TSC22D1: variants seen among roughly 807,000 people sequenced by gnomAD.
TSC22D1 encodes TSC22 domain family member 1, also known as TSC22 domain family protein 1.
In TSC22D1, 9 loss-of-function variants were observed where a neutral mutation model predicts 74.2. The ratio of observed to expected loss-of-function variants is 0.12; its 90% confidence interval spans 0.07 to 0.21. The LOEUF (loss-of-function observed/expected upper bound fraction) is 0.21, where lower values mean the gene tolerates loss of function less well. Among genes scored for constraint, TSC22D1 ranks in the 10% least tolerant of loss-of-function variants. TSC22D1 has a pLI of 1.00. For missense variants in TSC22D1, 1,427 were observed against 1,304.7 expected, an observed-to-expected ratio of 1.09 and a Z score of -1.44; for synonymous variants, 586 against 492.5, an observed-to-expected ratio of 1.19 and a Z score of -2.51.
chr13:44,529,139 TAC>T (rs578118246), intron 1 of TSC22D1, among the ~76,000 whole-genome samples: 1 of 151,996 alleles, frequency 6.6e-6, no homozygotes, highest in African/African-American at 2.4e-5. Context: ...AAAGGCAAAT[TAC>T]AGACTAATCT....
chr13:44,453,622 T>C (rs1286327175), intron 1 of TSC22D1, among the ~76,000 whole-genome samples: 1 of 152,246 alleles, frequency 6.6e-6, no homozygotes, highest in African/African-American at 2.4e-5. Context: ...GTCAGTCGGC[T>C]TTGGTACAGG....
At chr13:44,547,612 A>T (rs1881914330) in intron 1 of TSC22D1, among the ~76,000 whole-genome samples, 3 of 152,198 alleles carry the variant, frequency 2.0e-5, no homozygotes, top group Non-Finnish European at 2.9e-5. Context: ...CAGGAAATAG[A>T]GTTTAGTGCC....
intron 1 of TSC22D1, 83 bp from the exon 2 acceptor site, chr13:44,436,178 G>C: frequency 1.4e-6 from 2 of 1,421,036 alleles, no homozygotes; most frequent in Non-Finnish European, 9.7e-7. Context: ...CCAATTTTGT[G>C]ATATTGCTAG....
rs61034237 is a variant in TSC22D1 at position 44,487,498 on chromosome 13, C to CAAAAAAAAAAAAAAAAAAAAAAAAAAAAA, written c.2913-51432_2913-51404dup. Among the ~76,000 whole-genome samples the CAAAAAAAAAAAAAAAAAAAAAAAAAAAAA allele has an allele frequency of 8.5e-5, 2 of 23,454 alleles. 1 individual carries two copies. Among genetic ancestry groups the CAAAAAAAAAAAAAAAAAAAAAAAAAAAAA allele is most frequent in the African/African-American group, 4.3e-4 (2 of 4,600 alleles). 15.4% of individuals were successfully genotyped at this position (23,454 alleles called of 152,430 possible). ...TGGGCAACAGAGCAAGACTCCATCTCAAAAAAAAAAAAAAAAAAAAAAAAA... is the reference window on the plus strand; with the variant it reads ...TGGGCAACAGAGCAAGACTCCATCTCAAAAAAAAAAAAAAAAAAAAAAAAAAAAAAAAAAAAAAAAAAAAAAAAAAAAAA... On this transcript the variant is annotated intron_variant, in intron 1 of 2. Coordinates refer to ENST00000458659, the MANE Select transcript of TSC22D1 (RefSeq NM_183422.4).
intron 1 of TSC22D1, among the ~76,000 whole-genome samples, chr13:44,567,526 G>C (rs1482058479): frequency 1.3e-5 from 2 of 151,216 alleles, no homozygotes; most frequent in Non-Finnish European, 2.9e-5. Flanking sequence ...TTTTAAAAAA[G>C]CTAACATTTT....
At chr13:44,514,524 G>A (rs562643195) in intron 1 of TSC22D1, among the ~76,000 whole-genome samples, 32 of 151,774 alleles carry the variant, frequency 2.1e-4, no homozygotes, top group African/African-American at 2.4e-4. Context: ...ACACACACAC[G>A]ATGATACAAA....
chr13:44,500,660 C>T (rs1879183566), intron 1 of TSC22D1, among the ~76,000 whole-genome samples: 1 of 152,078 alleles, frequency 6.6e-6, no homozygotes. Flanking sequence ...TTAATGCTAA[C>T]ATTTTTCAGT....
intron 1 of TSC22D1, among the ~76,000 whole-genome samples, chr13:44,440,495 G>A (rs1405648884): frequency 1.4e-5 from 2 of 147,734 alleles, no homozygotes; most frequent in Non-Finnish European, 3.0e-5. Context: ...GGAGGCTGAC[G>A]AAGAATTGCT....
chr13:44,496,222 T>TCATCACTAGCCATTAGGGAGAC (rs1878968038), intron 1 of TSC22D1, among the ~76,000 whole-genome samples: 3 of 152,010 alleles, frequency 2.0e-5, no homozygotes, highest in Admixed American at 1.3e-4. Flanking sequence ...ACATGAAAGA[T>TCATCACTAGCCATTAGGGAGAC]GCTCATCACT....
At chr13:44,488,857 T>C (rs1878571832) in intron 1 of TSC22D1, among the ~76,000 whole-genome samples, 1 of 151,986 alleles carries the variant, frequency 6.6e-6, no homozygotes, top group African/African-American at 2.4e-5. Flanking sequence ...ATATCGAAAA[T>C]CCCCAAATTC....
At chr13:44,518,118 T>C (rs917993669) in intron 1 of TSC22D1, among the ~76,000 whole-genome samples, 1 of 150,440 alleles carries the variant, frequency 6.6e-6, no homozygotes, top group African/African-American at 2.4e-5. Context: ...CCTCCAAGTG[T>C]TGGGATTACA....
intron 1 of TSC22D1, among the ~76,000 whole-genome samples, chr13:44,447,071 T>TC (rs1875738922): frequency 6.6e-6 from 1 of 151,864 alleles, no homozygotes; most frequent in Non-Finnish European, 1.5e-5. Flanking sequence ...ACTTCCCATT[T>TC]CCCCCTTCTC....
At chr13:44,455,051 TCAA>T (rs745961499) in intron 1 of TSC22D1, among the ~76,000 whole-genome samples, 16 of 152,086 alleles carry the variant, frequency 1.1e-4, no homozygotes, top group Admixed American at 9.2e-4. Context: ...AAACTTACAT[TCAA>T]CTGGGGCTGA....
chr13:44,524,025 G>A lies in TSC22D1; in HGVS notation c.2912+49138C>T, dbSNP rs547486908. Among the ~76,000 whole-genome samples the A allele has an allele frequency of 9.2e-5, 14 of 152,208 alleles. No homozygotes were observed. In the East Asian group the frequency reaches 2.7e-3, roughly 29 times the overall value. ...TGAAAAAAGAAGTATGGGGATAGAA[G>A]CATCTTAATATTTCCAGTGCATGAA... On this transcript the variant is annotated intron_variant, in intron 1 of 2. Coordinates refer to ENST00000458659, the MANE Select transcript of TSC22D1 (RefSeq NM_183422.4).
Position 44,435,901 on chromosome 13 carries a change from C to A in TSC22D1, c.2964+143G>T, listed in dbSNP as rs1469343786. ...GCCGTGGTAGGTGGCTCCACGCTGGCCGAATGGAGACAGCGCCGGCATTTC... is the reference window on the plus strand; with the variant it reads ...GCCGTGGTAGGTGGCTCCACGCTGGACGAATGGAGACAGCGCCGGCATTTC... On this transcript the variant is annotated intron_variant, in intron 2 of 2. Coordinates refer to ENST00000458659, the MANE Select transcript of TSC22D1 (RefSeq NM_183422.4). 30 of 910,666 alleles carry A rather than the reference C, an allele frequency of 3.3e-5. No individual in the cohort carries two copies. The East Asian group carries it at 7.2e-4, about 22-fold the overall frequency. The allele number at this position is 910,666 out of a possible 1,614,324, so 56.4% of individuals were successfully genotyped here.
intron 1 of TSC22D1, among the ~76,000 whole-genome samples, chr13:44,534,045 A>AC (rs1012887197): frequency 3.9e-5 from 6 of 152,030 alleles, no homozygotes; most frequent in African/African-American, 1.4e-4. Flanking sequence ...AGCCTGGGCG[A>AC]CATAAACTCC....
intron 1 of TSC22D1, among the ~76,000 whole-genome samples, chr13:44,563,803 C>T (rs1182450745): frequency 2.6e-5 from 4 of 152,162 alleles, no homozygotes; most frequent in Admixed American, 6.5e-5. Flanking sequence ...ACTGTCTCGG[C>T]GAATTCACTT....
chr13:44,509,301 CACA>C (rs1180041328), intron 1 of TSC22D1, among the ~76,000 whole-genome samples: 3 of 152,142 alleles, frequency 2.0e-5, no homozygotes, highest in African/African-American at 7.2e-5. Context: ...GTGATGGTTG[CACA>C]ACAATGTGAA....
At chr13:44,560,762 T>C (rs1882985587) in intron 1 of TSC22D1, among the ~76,000 whole-genome samples, 1 of 152,212 alleles carries the variant, frequency 6.6e-6, no homozygotes. Flanking sequence ...TCATTTGGAA[T>C]TTATTCTTAC....
Sources: allele counts gnomAD v4.1 joint callset (sites outside exome capture counted in the v4.1 genomes callset), GRCh38; gene constraint gnomAD v4.1.1; transcripts MANE v1.5; gene names NCBI Gene and HGNC (gene_info 2026-07-23, HGNC 2026-07-21).